The following NEB variants were observed in gnomAD, a reference collection of about 807,000 sequenced individuals.
NEB encodes the protein nebulin, also known as nemaline myopathy type 2.
NEB carries 512 observed loss-of-function variants against 952.2 expected under a neutral mutation model. The observed-to-expected ratio is 0.54, with a 90% CI of 0.50 to 0.58. The LOEUF (loss-of-function observed/expected upper bound fraction) is 0.58. Ranked by LOEUF, NEB falls within the 20% of genes least tolerant of loss-of-function variation. NEB has a pLI of 0.00. For missense variants in NEB, 8,428 were observed against 9,231.1 expected, an observed-to-expected ratio of 0.91 and a Z score of 3.56; for synonymous variants, 2,900 against 3,149.8, an observed-to-expected ratio of 0.92 and a Z score of 2.66.
At chr2:151,687,334 T>C (rs1029604396) in intron 27 of NEB, 85 bp downstream of exon 27, 35 of 1,162,912 alleles carry the variant, frequency 3.0e-5, no homozygotes, top group Non-Finnish European at 4.3e-5. Flanking sequence ...CCCATGCTCA[T>C]GAAATTCTTT....
intron 81 of NEB, among the ~76,000 whole-genome samples, chr2:151,609,260 T>C (rs1404050910): frequency 6.6e-6 from 1 of 151,244 alleles, no homozygotes; most frequent in Non-Finnish European, 1.5e-5. Flanking sequence ...AGCTGAAAAA[T>C]AAAGCACATG....
intron 80 of NEB, 128 bp from the exon 81 acceptor site, chr2:151,610,248 A>T: frequency 1.3e-6 from 1 of 787,582 alleles, no homozygotes. Flanking sequence ...GAACTATTAT[A>T]TTTAAAAGCA....
At chr2:151,655,628 C>G (rs966184276) in intron 50 of NEB, among the ~76,000 whole-genome samples, 189 bp downstream of exon 50, 4 of 151,820 alleles carry the variant, frequency 2.6e-5, no homozygotes, top group African/African-American at 9.7e-5. Flanking sequence ...AATTTCTAAC[C>G]CAACTAGAAG....
Position 151,698,424 on chromosome 2 carries a change from T to C in NEB, c.1153-776A>G, listed in dbSNP as rs1209874387. Among the ~76,000 whole-genome samples the C allele has an allele frequency of 2.0e-5, 3 of 151,954 alleles. No homozygotes were observed. In the East Asian group the frequency reaches 5.8e-4, roughly 29 times the overall value. On this transcript the variant is annotated intron_variant, in intron 13 of 181. Coordinates refer to ENST00000397345, the MANE Select transcript of NEB (RefSeq NM_001164508.2). Reference sequence around the variant, plus strand: ...GCCAAGGCCTGGAAAGAAGGGAGAATAGGTATGAGGTTTATGGTTGGGGGG... The same window carrying C: ...GCCAAGGCCTGGAAAGAAGGGAGAACAGGTATGAGGTTTATGGTTGGGGGG...
rs1326793819 is a variant in NEB at position 151,639,915 on chromosome 2, C to T, written c.8831G>A (p.Ser2944Asn). 4 of 1,613,822 alleles carry T rather than the reference C, an allele frequency of 2.5e-6. No individual in the cohort carries two copies. Among genetic ancestry groups the T allele is most frequent in the Non-Finnish European group, 3.4e-6 (4 of 1,179,876 alleles). The change falls in exon 62 of 182, where the codon AGT becomes AAT. Residue 2944 changes from serine (S) to asparagine (N), a missense_variant. By Grantham distance (46) the Ser-to-Asn change is conservative. Transcript: ENST00000397345. ...RQPPDRFKFT[S>N]VTDSLEQVLA... ...CACTTGTTCCAGAGAGTCAGTCACACTGGTAAATTTGAATCTGTCTGGAGG... is the reference window on the plus strand; with the variant it reads ...CACTTGTTCCAGAGAGTCAGTCACATTGGTAAATTTGAATCTGTCTGGAGG...
At chr2:151,528,696 A>G (rs1447337315) in intron 146 of NEB, among the ~76,000 whole-genome samples, 1 of 152,210 alleles carries the variant, frequency 6.6e-6, no homozygotes, top group Non-Finnish European at 1.5e-5. Context: ...GTGCTCATCT[A>G]AATGCACAAA....
chr2:151,617,588 T>C (rs1400575899), intron 74 of NEB, 120 bp from the exon 75 acceptor site: 15 of 583,404 alleles, frequency 2.6e-5, no homozygotes, highest in South Asian at 1.6e-4. Context: ...AATAAAATTA[T>C]TAAAGCTGCA....
intron 8 of NEB, among the ~76,000 whole-genome samples, chr2:151,723,695 G>T (rs2099781273): frequency 6.6e-6 from 1 of 150,814 alleles, no homozygotes; most frequent in South Asian, 2.1e-4. Context: ...TTTCAGAGGG[G>T]CAGATGTGTC....
At chr2:151,569,740 A>G (rs2096560310) in intron 109 of NEB, among the ~76,000 whole-genome samples, 1 of 152,228 alleles carries the variant, frequency 6.6e-6, no homozygotes, top group African/African-American at 2.4e-5. Flanking sequence ...TGTATCAATT[A>G]AAAAAGCATG....
chr2:151,734,150 A>T (rs780004522), intron 1 of NEB, among the ~76,000 whole-genome samples: 2 of 152,206 alleles, frequency 1.3e-5, no homozygotes, highest in Non-Finnish European at 2.9e-5. Context: ...AAAGGCAAAA[A>T]AATGTTAGAC....
intron 162 of NEB, among the ~76,000 whole-genome samples, chr2:151,507,499 A>AC (rs1232842311): frequency 6.6e-6 from 1 of 152,196 alleles, no homozygotes. Flanking sequence ...TCCTCCCTAG[A>AC]CCCAGAGGAA....
chr2:151,634,372 G>C (rs564961541), intron 64 of NEB, among the ~76,000 whole-genome samples: 2 of 152,130 alleles, frequency 1.3e-5, no homozygotes, highest in South Asian at 4.1e-4. Flanking sequence ...GGCTGGGCAC[G>C]GTGGCTCATG....
Position 151,485,610 on chromosome 2 carries a change from C to T in NEB, c.*150G>A, listed in dbSNP as rs1465499881. On this transcript the variant is annotated 3_prime_UTR_variant, in exon 182 of 182. Coordinates refer to ENST00000397345, the MANE Select transcript of NEB (RefSeq NM_001164508.2). ...CTGTTCTGCAACTTATTTTAAAACC[C>T]AAAGGAGAAAGGATGGTACTACCAT... The T allele has an allele frequency of 1.5e-6, 1 of 665,410 alleles. No homozygotes were observed. The highest frequency in any genetic ancestry group is 2.4e-6 in the Non-Finnish European group (1 of 421,694). The allele number at this position is 665,410 out of a possible 1,614,324, so 41.2% of individuals were successfully genotyped here.
At chr2:151,547,379 G>T in intron 133 of NEB, 50 bp downstream of exon 133, 1 of 1,413,110 alleles carries the variant, frequency 7.1e-7, no homozygotes, top group Non-Finnish European at 9.8e-7. Flanking sequence ...CTGAAAGCAA[G>T]CCTGCGTCTT....
chr2:151,605,957 C>T (rs2097691381), intron 84 of NEB, among the ~76,000 whole-genome samples: 1 of 99,666 alleles, frequency 1.0e-5, no homozygotes, highest in South Asian at 2.9e-4. Context: ...CTCCCGCCAC[C>T]ACGCCCAGCT....
Position 151,642,882 on chromosome 2 carries a change from GA to G in NEB, c.8161-14del. The G allele has an allele frequency of 1.9e-6, 3 of 1,572,516 alleles. No homozygotes were observed. The highest frequency in any genetic ancestry group is 1.1e-5 in the South Asian group (1 of 87,700). ...CTGTATAGAGGCGCTAAGAGAAACA[GA>G]AAAACATGACTGGTATAGGCCAGTA... is the stretch of plus-strand genomic sequence containing the variant. On this transcript the variant is annotated splice_polypyrimidine_tract_variant and intron_variant, in intron 58 of 181. Transcript: ENST00000397345.
At chr2:151,729,826 G>T (rs779070631) in intron 3 of NEB, among the ~76,000 whole-genome samples, 170 bp from the exon 4 acceptor site, 17 of 152,206 alleles carry the variant, frequency 1.1e-4, no homozygotes, top group Non-Finnish European at 2.4e-4. Flanking sequence ...TCTTCACTTT[G>T]TAATACTTCA....
chr2:151,540,289 A>G (rs2093870226), intron 138 of NEB, 55 bp downstream of exon 138: 1 of 1,037,110 alleles, frequency 9.6e-7, no homozygotes, highest in South Asian at 1.6e-5. Context: ...TTTCTTAGGT[A>G]CTTCAACCTC....
At chr2:151,720,831 C>CATAG (rs899446023) in intron 9 of NEB, among the ~76,000 whole-genome samples, 2 of 152,226 alleles carry the variant, frequency 1.3e-5, no homozygotes, top group Non-Finnish European at 2.9e-5. Context: ...CTGCTTCCCT[C>CATAG]ATAGATGTTC....
Sources: allele counts gnomAD v4.1 joint callset (sites outside exome capture counted in the v4.1 genomes callset), GRCh38; gene constraint gnomAD v4.1.1; transcripts MANE v1.5; gene names NCBI Gene and HGNC (gene_info 2026-07-23, HGNC 2026-07-21).